UBE2R2: variants seen among roughly 807,000 people sequenced by gnomAD.
UBE2R2 encodes the protein ubiquitin conjugating enzyme E2 R2, also known as ubiquitin-conjugating enzyme E2 R2.
In UBE2R2, 1 loss-of-function variant was observed where a neutral mutation model predicts 27.8. The observed-to-expected ratio is 0.04, with a 90% CI of 0.01 to 0.17. The LOEUF (loss-of-function observed/expected upper bound fraction) is 0.17. Among genes scored for constraint, UBE2R2 ranks in the 10% least tolerant of loss-of-function variants. UBE2R2 has a pLI of 1.00. For synonymous variants in UBE2R2, 106 were observed against 113.3 expected (o/e 0.94, Z 0.41); for missense variants, 100 against 291.0 (o/e 0.34, Z 4.78).
intron 3 of UBE2R2, among the ~76,000 whole-genome samples, chr9:33,901,301 TC>T (rs1325342810): frequency 6.6e-6 from 1 of 152,216 alleles, no homozygotes; most frequent in Non-Finnish European, 1.5e-5. Context: ...TTTCATTATG[TC>T]ATATCTGAAG....
intron 1 of UBE2R2, among the ~76,000 whole-genome samples, chr9:33,844,308 G>A (rs1459244073): frequency 5.3e-5 from 8 of 152,108 alleles, no homozygotes; most frequent in East Asian, 1.9e-4. Context: ...GGGTTCAAGC[G>A]ATTCTTCTGC....
intron 1 of UBE2R2, among the ~76,000 whole-genome samples, chr9:33,861,469 A>T (rs940158106): frequency 6.6e-5 from 10 of 151,930 alleles, no homozygotes; most frequent in African/African-American, 2.4e-4. Flanking sequence ...CCAGCTACTT[A>T]TGAGGCTGAG....
chr9:33,873,860 C>T (rs1053522009), intron 1 of UBE2R2, among the ~76,000 whole-genome samples: 1 of 152,062 alleles, frequency 6.6e-6, no homozygotes, highest in Non-Finnish European at 1.5e-5. Flanking sequence ...CCAGGCTGAA[C>T]TTGAACTTCT....
intron 1 of UBE2R2, among the ~76,000 whole-genome samples, chr9:33,826,801 G>C (rs1342086085): frequency 1.3e-5 from 2 of 152,134 alleles, no homozygotes; most frequent in Non-Finnish European, 2.9e-5. Context: ...TTATTGGGTG[G>C]GTGCAGTGGC....
intron 4 of UBE2R2, among the ~76,000 whole-genome samples, chr9:33,916,544 A>C (rs975229039): frequency 7.9e-5 from 12 of 152,202 alleles, no homozygotes; most frequent in African/African-American, 2.9e-4. Context: ...TTATTCACAT[A>C]TGCAACCTTT....
intron 1 of UBE2R2, among the ~76,000 whole-genome samples, chr9:33,849,919 A>G (rs781521824): frequency 7.9e-5 from 12 of 152,150 alleles, no homozygotes; most frequent in Non-Finnish European, 1.6e-4. Context: ...CTATATGTAT[A>G]GGAAACTAAG....
chr9:33,873,496 A>G (rs560724125), intron 1 of UBE2R2, among the ~76,000 whole-genome samples: 2 of 152,366 alleles, frequency 1.3e-5, no homozygotes, highest in East Asian at 1.9e-4. Context: ...TATGCACTGT[A>G]TAACTGCAAA....
At chr9:33,844,605 A>T (rs1820799748) in intron 1 of UBE2R2, among the ~76,000 whole-genome samples, 1 of 148,224 alleles carries the variant, frequency 6.7e-6, no homozygotes, top group African/African-American at 2.5e-5. Context: ...TGTTTATTCA[A>T]GTTTGAAAAT....
intron 3 of UBE2R2, among the ~76,000 whole-genome samples, chr9:33,908,301 G>A (rs1822408432): frequency 6.6e-6 from 1 of 152,096 alleles, no homozygotes; most frequent in Admixed American, 6.6e-5. Flanking sequence ...CTTCTGATTG[G>A]CCCAGGTTAG....
intron 1 of UBE2R2, among the ~76,000 whole-genome samples, chr9:33,825,745 C>A (rs1036498233): frequency 1.3e-5 from 2 of 152,150 alleles, no homozygotes; most frequent in Non-Finnish European, 2.9e-5. Context: ...TTTAGGACTA[C>A]AGATTTCCAT....
intron 2 of UBE2R2, among the ~76,000 whole-genome samples, chr9:33,894,645 C>T (rs1001812489): frequency 1.4e-4 from 22 of 152,136 alleles, no homozygotes; most frequent in African/African-American, 4.8e-4. Flanking sequence ...CACCTGTAAT[C>T]TCAGCAGTTT....
chr9:33,832,731 AG>A (rs1415333342), intron 1 of UBE2R2, among the ~76,000 whole-genome samples: 1 of 152,022 alleles, frequency 6.6e-6, no homozygotes, highest in Non-Finnish European at 1.5e-5. Flanking sequence ...AATTTTTTCA[AG>A]GTTTTTTTTA....
rs1021206237 is a variant in UBE2R2 at position 33,919,645 on chromosome 9, C to G, written c.*2408C>G. ...CAGGTGGACATTCTGGTATTTTAGA[C>G]TGACTGAACGAAACCCAGAGGCTGG... is the stretch of plus-strand genomic sequence containing the variant. On this transcript the variant is annotated 3_prime_UTR_variant, in exon 5 of 5. Transcript: ENST00000263228. 3.9e-5 allele frequency: 6 copies of G among 152,306 alleles called. No homozygotes were observed. Among genetic ancestry groups the G allele is most frequent in the Non-Finnish European group, 8.8e-5 (6 of 68,030 alleles). 9.4% of individuals were successfully genotyped at this position (152,306 alleles called of 1,614,324 possible).
At chr9:33,859,031 G>C (rs1251032167) in intron 1 of UBE2R2, among the ~76,000 whole-genome samples, 1 of 151,926 alleles carries the variant, frequency 6.6e-6, no homozygotes, top group Non-Finnish European at 1.5e-5. Flanking sequence ...TCACCATGTT[G>C]GCCAGGCTGG....
At chr9:33,853,774 ATTTT>A (rs749498528) in intron 1 of UBE2R2, among the ~76,000 whole-genome samples, 2 of 112,268 alleles carry the variant, frequency 1.8e-5, no homozygotes, top group Non-Finnish European at 3.6e-5. Flanking sequence ...CTTCCTTCCA[ATTTT>A]TTTTTTTTTT....
intron 1 of UBE2R2, among the ~76,000 whole-genome samples, chr9:33,840,738 A>T (rs540895388): frequency 3.5e-4 from 53 of 152,144 alleles, no homozygotes; most frequent in South Asian, 6.2e-4. Context: ...GGGTTTTTTT[A>T]AAATTTTTTG....
At chr9:33,817,090 C>A (rs1825791276), upstream of UBE2R2, among the ~76,000 whole-genome samples, 1 of 151,954 alleles carries the variant, frequency 6.6e-6, no homozygotes. Context: ...GTCGGGCCGC[C>A]AGCCGCTGAG....
intron 3 of UBE2R2, among the ~76,000 whole-genome samples, chr9:33,907,478 G>T (rs1056863711): frequency 6.6e-6 from 1 of 152,104 alleles, no homozygotes; most frequent in African/African-American, 2.4e-5. Flanking sequence ...GAACTCTCTG[G>T]CCCTCATTCT....
intron 1 of UBE2R2, among the ~76,000 whole-genome samples, chr9:33,836,068 G>A (rs1820607367): frequency 6.6e-6 from 1 of 152,110 alleles, no homozygotes; most frequent in Admixed American, 6.6e-5. Flanking sequence ...TTTCGGGAGG[G>A]CGAGGCAGAT....
Sources: allele counts gnomAD v4.1 joint callset (sites outside exome capture counted in the v4.1 genomes callset), GRCh38; gene constraint gnomAD v4.1.1; transcripts MANE v1.5; gene names NCBI Gene and HGNC (gene_info 2026-07-23, HGNC 2026-07-21).